CPEB1: variants seen among roughly 807,000 people sequenced by gnomAD.
The protein encoded by CPEB1 is cytoplasmic polyadenylation element binding protein 1, also known as cytoplasmic polyadenylation element-binding protein 1.
A neutral mutation model predicts 65.8 loss-of-function variants in CPEB1; 7 were observed. The observed-to-expected ratio is 0.11, with a 90% CI of 0.06 to 0.20. The LOEUF (loss-of-function observed/expected upper bound fraction) is 0.20, where lower values mean the gene tolerates loss of function less well. CPEB1 is among the 10% of genes least tolerant of loss of function. CPEB1 has a pLI of 1.00. For synonymous variants in CPEB1, 262 were observed against 260.0 expected (o/e 1.01, Z -0.08); for missense variants, 551 against 712.2 (o/e 0.77, Z 2.58).
intron 1 of CPEB1, 28 bp downstream of exon 1, chr15:82,647,109 C>T (rs57217657): frequency 0.16 from 23,963 of 152,638 alleles, 2,277 homozygotes; most frequent in African/African-American, 0.25. Flanking sequence ...GCAAGCCTAA[C>T]CCTCTCCCGC....
At position 82,547,289 on chromosome 15, in the gene CPEB1, CTTTTTTTTTTTT is replaced by C. The variant is rs71156035; in HGVS notation, c.1481-64_1481-53del. 34 of 390,404 alleles carry C rather than the reference CTTTTTTTTTTTT, an allele frequency of 8.7e-5. 1 individual carries two copies. The highest frequency in any genetic ancestry group is 7.4e-4 in the East Asian group (16 of 21,608). 24.2% of individuals were successfully genotyped at this position (390,404 alleles called of 1,614,324 possible). A position where few individuals can be genotyped will look rare whatever the true frequency, so the allele number is the denominator to read the frequency against. On this transcript the variant is annotated intron_variant, in intron 10 of 12. Coordinates refer to ENST00000684509, the MANE Select transcript of CPEB1 (RefSeq NM_001365242.1). Reference sequence around the variant, plus strand: ...TCTAACCAAATTCTCCCAAATGCTACTTTTTTTTTTTTTTTTTTTTTTTTTGAGATGGAGTCT... The same window carrying C: ...TCTAACCAAATTCTCCCAAATGCTACTTTTTTTTTTTTTGAGATGGAGTCT...
At position 82,557,885 on chromosome 15, in the gene CPEB1, G is replaced by A. The variant is rs751930618; in HGVS notation, c.562C>T (p.Pro188Ser). The change falls in exon 5 of 13, where the codon CCA becomes TCA. Residue 188 changes from proline to serine, a missense_variant. Transcript: ENST00000684509. ...CGTGATCCTCTAACTGAGGGTGCTG[G>A]AAACTTGTCCACCAAGTCAGACCCA... The part of the protein sequence containing the change: ...PLGSDLVDKF[P>S]APSVRGSRLD... The A allele has an allele frequency of 6.2e-7, 1 of 1,614,192 alleles. No individual in the cohort carries two copies. Among genetic ancestry groups the A allele is most frequent in the Non-Finnish European group, 8.5e-7 (1 of 1,180,028 alleles).
At chr15:82,597,263 C>T (rs1402502872) in intron 3 of CPEB1, among the ~76,000 whole-genome samples, 2 of 152,258 alleles carry the variant, frequency 1.3e-5, no homozygotes, top group East Asian at 1.9e-4. Flanking sequence ...AAGGTCGAGG[C>T]TGCAATGAGC....
At chr15:82,631,885 T>A (rs1237031537) in intron 1 of CPEB1, among the ~76,000 whole-genome samples, 1 of 148,510 alleles carries the variant, frequency 6.7e-6, no homozygotes, top group African/African-American at 2.5e-5. Flanking sequence ...AGATTTGGAT[T>A]TTTTTTTTTT....
intron 3 of CPEB1, among the ~76,000 whole-genome samples, chr15:82,577,156 G>A (rs2040739362): frequency 6.6e-6 from 1 of 152,200 alleles, no homozygotes; most frequent in Non-Finnish European, 1.5e-5. Flanking sequence ...TTTTTAAATA[G>A]CATGTTGGCA....
At chr15:82,599,188 G>A (rs1236318555) in intron 3 of CPEB1, among the ~76,000 whole-genome samples, 4 of 152,110 alleles carry the variant, frequency 2.6e-5, no homozygotes, top group Admixed American at 2.0e-4. Flanking sequence ...AAAATATTAT[G>A]CAGGAGAATA....
chr15:82,584,290 T>G (rs1441816588), intron 3 of CPEB1, among the ~76,000 whole-genome samples: 1 of 147,866 alleles, frequency 6.8e-6, no homozygotes, highest in Admixed American at 6.8e-5. Context: ...AAAAGCTACG[T>G]TTCAGTTAAA....
At chr15:82,584,705 T>C (rs1206128422) in intron 3 of CPEB1, among the ~76,000 whole-genome samples, 1 of 148,360 alleles carries the variant, frequency 6.7e-6, no homozygotes, top group African/African-American at 2.5e-5. Context: ...AATCCCATAA[T>C]GCATCTATCT....
intron 3 of CPEB1, among the ~76,000 whole-genome samples, chr15:82,598,296 C>G (rs555513378): frequency 1.8e-3 from 273 of 150,996 alleles, no homozygotes; most frequent in Admixed American, 2.9e-3. Flanking sequence ...GAATTCAAAA[C>G]TAGCCTGGCC....
Position 82,547,130 on chromosome 15 carries a change from C to A in CPEB1, c.1575+13G>T. The A allele has an allele frequency of 6.3e-7, 1 of 1,599,196 alleles. No individual in the cohort carries two copies. The highest frequency in any genetic ancestry group is 8.6e-7 in the Non-Finnish European group (1 of 1,166,854). ...ATATACCCCAGAGTAAGGGCATAAA[C>A]CAGCCAACTCACCTTCTTTGTGAAC... is the stretch of plus-strand genomic sequence containing the variant. On this transcript the variant is annotated intron_variant, in intron 11 of 12. Coordinates refer to ENST00000684509, the MANE Select transcript of CPEB1 (RefSeq NM_001365242.1).
intron 3 of CPEB1, among the ~76,000 whole-genome samples, chr15:82,615,833 T>TA (rs2151271879): frequency 6.6e-6 from 1 of 152,182 alleles, no homozygotes; most frequent in South Asian, 2.1e-4. Flanking sequence ...AATTAACTTC[T>TA]AGGTACATAC....
At chr15:82,627,450 G>A (rs1241456750) in intron 2 of CPEB1, 83 bp from the exon 3 acceptor site, 9 of 1,074,196 alleles carry the variant, frequency 8.4e-6, no homozygotes, top group Non-Finnish European at 7.9e-6. Flanking sequence ...ATTAGATAAA[G>A]TAGGAAGGAC....
chr15:82,635,385 C>T (rs2046577282), intron 1 of CPEB1, among the ~76,000 whole-genome samples: 2 of 152,166 alleles, frequency 1.3e-5, no homozygotes, highest in Admixed American at 1.3e-4. Flanking sequence ...GCTTTAGTCA[C>T]CAGCTCACTC....
At chr15:82,599,867 A>G (rs2042957957) in intron 3 of CPEB1, among the ~76,000 whole-genome samples, 1 of 152,252 alleles carries the variant, frequency 6.6e-6, no homozygotes, top group South Asian at 2.1e-4. Context: ...GGGGAAAAGC[A>G]GTGAACTAGA....
In CPEB1 at chr15:82,564,281, GTTT is replaced by G. The variant is rs763056930; in HGVS notation, c.461-6298_461-6296del. On this transcript the variant is annotated intron_variant, in intron 4 of 12. Coordinates refer to ENST00000684509, the MANE Select transcript of CPEB1 (RefSeq NM_001365242.1). ...ATTTAAGGACACAATGGTTTTTTTT[GTTT>G]TTTTGTTTTGTTTTTTTTTGAGACG... 1.4e-3 allele frequency among the ~76,000 whole-genome samples: 201 copies of G among 147,876 alleles called. 1 individual carries two copies. Among genetic ancestry groups the G allele is most frequent in the African/African-American group, 4.4e-3 (177 of 39,940 alleles).
intron 4 of CPEB1, among the ~76,000 whole-genome samples, chr15:82,567,615 G>A (rs1226146101): frequency 6.6e-6 from 1 of 151,402 alleles, no homozygotes; most frequent in Non-Finnish European, 1.5e-5. Context: ...CAGCTTGGTC[G>A]ACAGAGTGAG....
intron 10 of CPEB1, chr15:82,548,837 G>A (rs1474329670): frequency 2.8e-6 from 1 of 359,984 alleles, no homozygotes; most frequent in East Asian, 9.3e-5. Flanking sequence ...ATTTGGGGAG[G>A]TGGGTTAGCC....
At chr15:82,613,879 C>G (rs1353227364) in intron 3 of CPEB1, among the ~76,000 whole-genome samples, 5 of 152,016 alleles carry the variant, frequency 3.3e-5, no homozygotes, top group East Asian at 3.9e-4. Flanking sequence ...CCCCTCAATG[C>G]CCCCCTGGGA....
chr15:82,597,446 C>G (rs766120466), intron 3 of CPEB1, among the ~76,000 whole-genome samples: 3 of 152,108 alleles, frequency 2.0e-5, no homozygotes, highest in Non-Finnish European at 2.9e-5. Flanking sequence ...GAGATCTGTG[C>G]AGGGGGAAGC....
Sources: allele counts gnomAD v4.1 joint callset (sites outside exome capture counted in the v4.1 genomes callset), GRCh38; gene constraint gnomAD v4.1.1; transcripts MANE v1.5; gene names NCBI Gene and HGNC (gene_info 2026-07-23, HGNC 2026-07-21).